GRIP1: variants seen among roughly 807,000 people sequenced by gnomAD.
GRIP1 encodes the protein glutamate receptor-interacting protein 1.
Under a neutral mutation model 129.9 loss-of-function variants are expected in GRIP1, and 45 were observed. The observed-to-expected ratio is 0.35, with a 90% CI of 0.27 to 0.44. The LOEUF (loss-of-function observed/expected upper bound fraction) is 0.44. GRIP1 is among the 20% of genes least tolerant of loss of function. The probability of loss-of-function intolerance (pLI) is 1.00; values close to 1 mark genes in which losing one functional copy is unlikely to be tolerated. For missense variants in GRIP1, 1,196 were observed against 1,396.8 expected, an observed-to-expected ratio of 0.86 and a Z score of 2.29; for synonymous variants, 530 against 520.8, an observed-to-expected ratio of 1.02 and a Z score of -0.24.
chr12:66,801,364 G>A (rs997609919), intron 1 of GRIP1, among the ~76,000 whole-genome samples: 1 of 152,044 alleles, frequency 6.6e-6, no homozygotes, highest in African/African-American at 2.4e-5. Context: ...AAAGTCAGAG[G>A]AGATTTAAAA....
At chr12:66,420,176 T>C (rs1269442856) in intron 15 of GRIP1, among the ~76,000 whole-genome samples, 2 of 152,118 alleles carry the variant, frequency 1.3e-5, no homozygotes, top group African/African-American at 4.8e-5. Context: ...AATTGGAAAA[T>C]AAAAAGAAAG....
At position 66,985,811 on chromosome 12, in the gene GRIP1, C is replaced by T. The variant is rs563610238; in HGVS notation, c.58+83239G>A. Among the ~76,000 whole-genome samples, 12 of 152,250 alleles carry T rather than the reference C, an allele frequency of 7.9e-5. No homozygotes were observed. In the East Asian group the frequency reaches 1.7e-3, roughly 22 times the overall value. On this transcript the variant is annotated intron_variant, in intron 1 of 1. Transcript: ENST00000643019. ...GGTTTGTTTTATCAAGATGGCATGT[C>T]GTTTGTAGATCCTTCACTGAGGACA...
chr12:66,648,127 C>T (rs2032513221), intron 1 of GRIP1, among the ~76,000 whole-genome samples: 5 of 152,206 alleles, frequency 3.3e-5, no homozygotes, highest in African/African-American at 4.8e-5. Flanking sequence ...GCCCACTTCA[C>T]CTAGAAGCCT....
chr12:66,471,115 C>A (rs1027684086), intron 7 of GRIP1, among the ~76,000 whole-genome samples: 4 of 152,166 alleles, frequency 2.6e-5, no homozygotes, highest in African/African-American at 4.8e-5. Context: ...CATGGCAGAG[C>A]AGCAAGAAGG....
At chr12:66,380,624 T>A (rs932156049) in intron 19 of GRIP1, among the ~76,000 whole-genome samples, 2 of 152,246 alleles carry the variant, frequency 1.3e-5, no homozygotes, top group Non-Finnish European at 2.9e-5. Context: ...TTTAAAGCAT[T>A]TTTACAACAA....
intron 17 of GRIP1, among the ~76,000 whole-genome samples, chr12:66,393,916 C>T (rs910623800): frequency 2.6e-5 from 4 of 152,150 alleles, no homozygotes; most frequent in African/African-American, 7.2e-5. Flanking sequence ...TTAGTTTCCT[C>T]CTCTCAAAAT....
At chr12:66,510,530 T>C (rs751980750) in intron 7 of GRIP1, among the ~76,000 whole-genome samples, 1 of 152,212 alleles carries the variant, frequency 6.6e-6, no homozygotes, top group Non-Finnish European at 1.5e-5. Context: ...ATCTCAGACT[T>C]AGCATATCCA....
At chr12:66,801,177 T>A (rs1260831164) in intron 1 of GRIP1, among the ~76,000 whole-genome samples, 2 of 152,096 alleles carry the variant, frequency 1.3e-5, no homozygotes, top group Admixed American at 6.6e-5. Context: ...CCACCTTGTA[T>A]CACATTTTAA....
Position 66,765,336 on chromosome 12 carries a change from G to A in GRIP1, c.-420+38717C>T, listed in dbSNP as rs1037413148. ...CATCTGAACACCTCTAGCCTCTCTT[G>A]TGGATGGAGAGCTCTGGATGTCAAA... On this transcript the variant is annotated intron_variant, in intron 1 of 4. Coordinates refer to the GRIP1 transcript ENST00000538373. Among the ~76,000 whole-genome samples, 42 of 152,154 alleles carry A rather than the reference G, an allele frequency of 2.8e-4. 1 individual carries two copies. Among genetic ancestry groups the A allele is most frequent in the African/African-American group, 1.0e-3 (42 of 41,438 alleles).
intron 1 of GRIP1, among the ~76,000 whole-genome samples, chr12:66,988,698 A>T (rs2042351213): frequency 6.6e-6 from 1 of 152,156 alleles, no homozygotes; most frequent in African/African-American, 2.4e-5. Context: ...TTTTTAAATA[A>T]TACCTGGTTG....
intron 1 of GRIP1, among the ~76,000 whole-genome samples, chr12:67,036,009 T>C (rs1051753801): frequency 1.3e-5 from 2 of 152,134 alleles, no homozygotes; most frequent in African/African-American, 2.4e-5. Context: ...AGTTGCAACA[T>C]GCACTGGAAG....
chr12:67,043,769 T>A (rs1370557498), intron 1 of GRIP1, among the ~76,000 whole-genome samples: 1 of 152,212 alleles, frequency 6.6e-6, no homozygotes, highest in East Asian at 1.9e-4. Context: ...AACACATTAC[T>A]ATAAGCTACT....
At chr12:66,787,874 C>T (rs985075517) in intron 1 of GRIP1, among the ~76,000 whole-genome samples, 1 of 152,132 alleles carries the variant, frequency 6.6e-6, no homozygotes, top group African/African-American at 2.4e-5. Context: ...TAAAGAGTGA[C>T]AGAAGGGTGC....
chr12:66,944,350 A>C (rs2041632840), intron 1 of GRIP1, among the ~76,000 whole-genome samples: 1 of 152,312 alleles, frequency 6.6e-6, no homozygotes, highest in African/African-American at 2.4e-5. Flanking sequence ...CTGCTACAAA[A>C]AGTCTATCTT....
intron 2 of GRIP1, among the ~76,000 whole-genome samples, chr12:66,546,664 C>T (rs957170397): frequency 6.6e-6 from 1 of 152,094 alleles, no homozygotes; most frequent in Non-Finnish European, 1.5e-5. Flanking sequence ...GATGCTGGAG[C>T]AATTTGACAT....
At chr12:66,771,899 T>C (rs1370614895) in intron 1 of GRIP1, among the ~76,000 whole-genome samples, 1 of 152,138 alleles carries the variant, frequency 6.6e-6, no homozygotes, top group Non-Finnish European at 1.5e-5. Context: ...ATAGAAAAGT[T>C]TTCAACATAT....
chr12:66,391,388 T>G (rs563589060), intron 19 of GRIP1, among the ~76,000 whole-genome samples: 3 of 152,378 alleles, frequency 2.0e-5, no homozygotes, highest in East Asian at 3.9e-4. Context: ...AAATATTTTT[T>G]AAAAGAAGCT....
intron 1 of GRIP1, among the ~76,000 whole-genome samples, chr12:66,803,408 G>A (rs991656894): frequency 6.6e-6 from 1 of 152,070 alleles, no homozygotes; most frequent in African/African-American, 2.4e-5. Context: ...TTAAAGCGCT[G>A]ACAGATAAAA....
rs569699909 is a variant in GRIP1 at position 66,716,544 on chromosome 12, T to C, written c.-419-86208A>G. On this transcript the variant is annotated intron_variant, in intron 1 of 4. Transcript: ENST00000538373. ...AAAAAAAAATTTTTAAATTTTATTATTATTATACTTTAAGTTTTAGGGTAC... is the reference window on the plus strand; with the variant it reads ...AAAAAAAAATTTTTAAATTTTATTACTATTATACTTTAAGTTTTAGGGTAC... 6.6e-5 allele frequency among the ~76,000 whole-genome samples: 10 copies of C among 151,824 alleles called. 1 individual carries two copies. The South Asian group carries it at 2.1e-3, about 32-fold the overall frequency.
Sources: gnomAD v4.1 joint callset for allele counts (sites outside exome capture counted in the v4.1 genomes callset) on GRCh38, gnomAD v4.1.1 for gene constraint, MANE v1.5 for transcripts, NCBI Gene and HGNC (gene_info 2026-07-23, HGNC 2026-07-21) for gene names.